Variants in CDYL2 observed in about 807,000 individuals in gnomAD.
CDYL2 encodes the protein chromodomain Y-like protein 2.
CDYL2 carries 23 observed loss-of-function variants against 49.4 expected under a neutral mutation model. The observed-to-expected ratio is 0.47, with a 90% CI of 0.34 to 0.66. The LOEUF is 0.66. Ranked by LOEUF, CDYL2 falls within the 30% of genes least tolerant of loss-of-function variation. The pLI is 0.01. For synonymous variants in CDYL2, 360 were observed against 268.8 expected (o/e 1.34, Z -3.32); for missense variants, 678 against 656.4 (o/e 1.03, Z -0.36).
At chr16:80,629,707 T>C (rs1454970694) in intron 3 of CDYL2, among the ~76,000 whole-genome samples, 1 of 152,232 alleles carries the variant, frequency 6.6e-6, no homozygotes. Context: ...CACAGTAATG[T>C]ATGAATTTCT....
At position 80,702,430 on chromosome 16, in the gene CDYL2, T is replaced by C. The variant is rs573060131; in HGVS notation, c.25-17301A>G. 4.6e-5 allele frequency among the ~76,000 whole-genome samples: 7 copies of C among 152,220 alleles called. No homozygotes were observed. The South Asian group carries it at 6.2e-4, about 14-fold the overall frequency. On this transcript the variant is annotated intron_variant, in intron 1 of 6. Transcript: ENST00000570137. The stretch of plus-strand genomic sequence containing the variant: ...AAATAGTAAAAATAATCAAGAAATA[T>C]ATAAAGATCTCAGGAATATCATTAG...
intron 1 of CDYL2, among the ~76,000 whole-genome samples, chr16:80,777,581 G>A (rs1907130135): frequency 6.6e-6 from 1 of 152,006 alleles, no homozygotes; most frequent in African/African-American, 2.4e-5. Context: ...AATACATTTT[G>A]TACATTTTCA....
intron 1 of CDYL2, among the ~76,000 whole-genome samples, chr16:80,778,515 C>A (rs1907163395): frequency 6.6e-6 from 1 of 151,962 alleles, no homozygotes; most frequent in African/African-American, 2.4e-5. Context: ...AAACTCTAAA[C>A]TGTCTAACAA....
chr16:80,749,574 T>C (rs551015696), intron 1 of CDYL2, among the ~76,000 whole-genome samples: 131 of 152,194 alleles, frequency 8.6e-4, no homozygotes, highest in Middle Eastern at 3.4e-3. Flanking sequence ...AAAGATAAAG[T>C]CTCAGACACC....
intron 1 of CDYL2, among the ~76,000 whole-genome samples, chr16:80,794,024 C>G (rs1907690679): frequency 6.6e-6 from 1 of 152,138 alleles, no homozygotes; most frequent in South Asian, 2.1e-4. Flanking sequence ...GTCTTGGAAT[C>G]TCAGGATATT....
rs1905966830 is a variant in CDYL2, at chr16:80,599,139, T to C, written c.*5249A>G. 1 of 152,108 alleles carries C rather than the reference T, an allele frequency of 6.6e-6. No homozygotes were observed. The highest frequency in any genetic ancestry group is 6.5e-5 in the Admixed American group (1 of 15,272). The allele number at this position is 152,108 out of a possible 1,614,324, so 9.4% of individuals were successfully genotyped here. A position where few individuals can be genotyped will look rare whatever the true frequency, so the allele number is the denominator to read the frequency against. On this transcript the variant is annotated 3_prime_UTR_variant, in exon 7 of 7. Transcript: ENST00000570137. ...CTCCAGCATCAGGCTAGATGTTGGA[T>C]CAATGATATAAGGTTAAGCCATAAA...
At chr16:80,659,232 G>A (rs1264778343) in intron 2 of CDYL2, among the ~76,000 whole-genome samples, 1 of 152,122 alleles carries the variant, frequency 6.6e-6, no homozygotes, top group East Asian at 1.9e-4. Context: ...TAACTAGCTT[G>A]TATTCTTCAA....
chr16:80,779,112 A>C (rs968223204), intron 1 of CDYL2, among the ~76,000 whole-genome samples: 1 of 152,096 alleles, frequency 6.6e-6, no homozygotes, highest in African/African-American at 2.4e-5. Context: ...GAAGGAAGGA[A>C]GGAGGAAGGG....
At chr16:80,647,769 T>A (rs1014263719) in intron 2 of CDYL2, among the ~76,000 whole-genome samples, 23 of 152,152 alleles carry the variant, frequency 1.5e-4, no homozygotes, top group African/African-American at 4.8e-4. Flanking sequence ...TAGGACAGGC[T>A]ACATTTTAAT....
intron 1 of CDYL2, among the ~76,000 whole-genome samples, chr16:80,724,592 A>G (rs1905106108): frequency 6.6e-6 from 1 of 152,230 alleles, no homozygotes; most frequent in African/African-American, 2.4e-5. Context: ...ACCTGGCATG[A>G]ACTATATCAG....
intron 4 of CDYL2, among the ~76,000 whole-genome samples, chr16:80,614,670 C>A (rs1035410509): frequency 4.6e-5 from 7 of 152,074 alleles, no homozygotes; most frequent in Non-Finnish European, 7.4e-5. Context: ...TCTAGACCAG[C>A]CTGGCCAATA....
intron 1 of CDYL2, among the ~76,000 whole-genome samples, chr16:80,763,516 G>A (rs1036345611): frequency 1.3e-5 from 2 of 152,102 alleles, no homozygotes; most frequent in African/African-American, 4.8e-5. Context: ...GGAGGCTGAG[G>A]TGGGAGAATC....
intron 1 of CDYL2, among the ~76,000 whole-genome samples, chr16:80,754,255 T>C (rs953960791): frequency 5.9e-5 from 9 of 152,054 alleles, no homozygotes; most frequent in African/African-American, 2.2e-4. Flanking sequence ...GGTGAAAATA[T>C]CATGGTTCAC....
At chr16:80,739,813 A>G (rs2142550139) in intron 1 of CDYL2, among the ~76,000 whole-genome samples, 1 of 152,248 alleles carries the variant, frequency 6.6e-6, no homozygotes, top group African/African-American at 2.4e-5. Flanking sequence ...CTCCCCAAAA[A>G]CAGAAGCCTC....
At position 80,604,563 on chromosome 16, in the gene CDYL2, A is replaced by G. The variant is rs774033619; in HGVS notation, c.1363-17T>C. 1.1e-4 allele frequency: 183 copies of G among 1,613,920 alleles called. No individual in the cohort carries two copies. Among genetic ancestry groups the G allele is most frequent in the South Asian group, 5.9e-4 (54 of 91,078 alleles). The stretch of plus-strand genomic sequence containing the variant: ...CTCTAACACCTAGAGGGAAATAGAC[A>G]GGCCTGATTAGCCGGGCACCAGGGA... On this transcript the variant is annotated splice_polypyrimidine_tract_variant and intron_variant, in intron 6 of 6. Transcript: ENST00000570137.
chr16:80,650,569 A>G (rs1908541075), intron 2 of CDYL2, among the ~76,000 whole-genome samples: 1 of 152,214 alleles, frequency 6.6e-6, no homozygotes, highest in African/African-American at 2.4e-5. Context: ...ATGGTTCCTC[A>G]AAAAACTAAA....
At chr16:80,718,321 A>G (rs1904881573) in intron 1 of CDYL2, among the ~76,000 whole-genome samples, 1 of 152,224 alleles carries the variant, frequency 6.6e-6, no homozygotes, top group Non-Finnish European at 1.5e-5. Context: ...TTAAAGATGG[A>G]TGGCAAACTC....
At chr16:80,712,215 A>ATATATATATATATATCTC (rs763194077) in intron 1 of CDYL2, among the ~76,000 whole-genome samples, 10,949 of 127,572 alleles carry the variant, frequency 0.086, 906 homozygotes, top group Middle Eastern at 0.14. Flanking sequence ...ATATATATAT[A>ATATATATATATATATCTC]TCTCCAAACC....
chr16:80,645,577 C>T (rs1489882598), intron 2 of CDYL2, among the ~76,000 whole-genome samples: 7 of 152,216 alleles, frequency 4.6e-5, no homozygotes, highest in African/African-American at 9.6e-5. Context: ...GACAGTGTGG[C>T]GATTCCTCAA....
Sources: gnomAD v4.1 joint callset for allele counts (sites outside exome capture counted in the v4.1 genomes callset) on GRCh38, gnomAD v4.1.1 for gene constraint, MANE v1.5 for transcripts, NCBI Gene and HGNC (gene_info 2026-07-23, HGNC 2026-07-21) for gene names.